TEX2: variants seen among roughly 807,000 people sequenced by gnomAD.
TEX2 encodes the protein testis-expressed protein 2.
In TEX2, 53 loss-of-function variants were observed where a neutral mutation model predicts 106.9. The ratio of observed to expected loss-of-function variants is 0.50; its 90% confidence interval spans 0.40 to 0.62. The LOEUF (loss-of-function observed/expected upper bound fraction) is 0.62, where lower values mean the gene tolerates loss of function less well. Among genes scored for constraint, TEX2 ranks in the 20% least tolerant of loss-of-function variants. The pLI is 0.00. For missense variants in TEX2, 1,207 were observed against 1,379.0 expected (o/e 0.88, Z 1.98); for synonymous variants, 523 against 534.8 (o/e 0.98, Z 0.30).
In TEX2 at chr17:64,213,784, G is replaced by C; in HGVS notation, c.434C>G (p.Ala145Gly). 6.2e-7 allele frequency: 1 copy of C among 1,614,218 alleles called. No homozygotes were observed. Among genetic ancestry groups the C allele is most frequent in the South Asian group, 1.1e-5 (1 of 91,090 alleles). ...SPGSSSSGPL[A>G]SSPSVSSLSE... ...AAGGGATGACACACTGGGAGAGCTAGCTAAGGGCCCCGACGAAGACGACCC... is the reference window on the plus strand; with the variant it reads ...AAGGGATGACACACTGGGAGAGCTACCTAAGGGCCCCGACGAAGACGACCC... The change falls in exon 2 of 12, where the codon GCT (alanine) becomes GGT (glycine). Residue 145 changes from alanine to glycine, a missense_variant. Around this residue, in one of 3 missense-constraint regions of TEX2, gnomAD observed 1,067 missense variants for 1,193.6 expected, o/e 0.89. Transcript: ENST00000584379. This position sits in a 1 kb window ranked among gnomAD's most constrained non-coding sequence, Gnocchi z 4.4.
In TEX2 at chr17:64,260,596, C is replaced by G. The variant is rs1555638413; in HGVS notation, c.-26+2572G>C. Reference sequence around the variant, plus strand: ...CGGTTTCCTCTTCTGTAAAATGAGGCTATCACACCTCCATTAGAGGGCTGC... The same window carrying G: ...CGGTTTCCTCTTCTGTAAAATGAGGGTATCACACCTCCATTAGAGGGCTGC... On this transcript the variant is annotated intron_variant, in intron 1 of 11. Coordinates refer to ENST00000584379, the MANE Select transcript of TEX2 (RefSeq NM_001288732.2). 3.3e-5 allele frequency among the ~76,000 whole-genome samples: 5 copies of G among 152,192 alleles called. No individual in the cohort carries two copies. The South Asian group carries it at 1.0e-3, about 31-fold the overall frequency.
intron 1 of TEX2, among the ~76,000 whole-genome samples, chr17:64,247,911 C>T (rs547936901): frequency 3.2e-4 from 49 of 152,244 alleles, no homozygotes; most frequent in South Asian, 1.2e-3. Context: ...CCCAGATGTA[C>T]AGAATTCATT....
chr17:64,202,278 G>A (rs2032693233), intron 2 of TEX2, among the ~76,000 whole-genome samples: 1 of 152,068 alleles, frequency 6.6e-6, no homozygotes, highest in Non-Finnish European at 1.5e-5. Context: ...AATCTTGAGA[G>A]GATCACAGGA....
intron 1 of TEX2, among the ~76,000 whole-genome samples, chr17:64,243,002 G>GA (rs1182474684): frequency 5.3e-5 from 8 of 151,360 alleles, no homozygotes; most frequent in African/African-American, 1.9e-4. Context: ...GATCTCAGCT[G>GA]ACTGCAACCT....
At chr17:64,154,641 TA>T (rs1456768909) in intron 9 of TEX2, among the ~76,000 whole-genome samples, 200 bp downstream of exon 9, 1 of 152,044 alleles carries the variant, frequency 6.6e-6, no homozygotes, top group Non-Finnish European at 1.5e-5. Context: ...GCCATTTTAG[TA>T]AGGAAAGCTA....
chr17:64,168,902 CTTT>C (rs3070736), intron 7 of TEX2, among the ~76,000 whole-genome samples: 1 of 106,966 alleles, frequency 9.3e-6, no homozygotes, highest in African/African-American at 3.6e-5. Context: ...ATAGATGGTG[CTTT>C]TTTTTTTTTT....
chr17:64,259,001 G>A (rs894506120), intron 1 of TEX2, among the ~76,000 whole-genome samples: 3 of 152,054 alleles, frequency 2.0e-5, no homozygotes, highest in South Asian at 2.1e-4. Context: ...CAGGTGATCC[G>A]CCTCCCAAAG....
intron 6 of TEX2, among the ~76,000 whole-genome samples, chr17:64,171,888 G>T (rs2031417498): frequency 6.6e-6 from 1 of 152,006 alleles, no homozygotes; most frequent in Non-Finnish European, 1.5e-5. Flanking sequence ...GGCTGAGGTG[G>T]GAGGATCACT....
Position 64,213,615 on chromosome 17 carries a change from TGGCTCCACCTC to T in TEX2, c.592_602del (p.Glu198LysfsTer35). 1 of 1,614,106 alleles carries T rather than the reference TGGCTCCACCTC, an allele frequency of 6.2e-7. No homozygotes were observed. Among genetic ancestry groups the T allele is most frequent in the Non-Finnish European group, 8.5e-7 (1 of 1,179,990 alleles). ...GCCTTGCGGGGTGTGGGGATTCTTT[TGGCTCCACCTC>T]GGTCGACAGGGACTTCACAAGGCTC... On this transcript the variant is annotated frameshift_variant, in exon 2 of 12. Transcript: ENST00000584379. LOFTEE classifies it high-confidence loss of function. The surrounding 1 kb of genome is among the most constrained non-coding windows in gnomAD (Gnocchi z 4.4).
intron 1 of TEX2, among the ~76,000 whole-genome samples, chr17:64,235,374 G>T (rs1219732127): frequency 6.6e-6 from 1 of 152,160 alleles, no homozygotes; most frequent in African/African-American, 2.4e-5. Flanking sequence ...GAAGCTTTCT[G>T]CAGGTGCTCT....
rs2032158765 is a variant in TEX2 at position 64,188,339 on chromosome 17, A to C, written c.2253T>G (p.Ser751Arg). The change falls in exon 5 of 12, where the codon AGT becomes AGG. Residue 751 changes from serine (S) to arginine (R), a missense_variant. Physicochemically the swap from Ser to Arg is moderately radical, Grantham distance 110. Transcript: ENST00000584379. ...LTHSRSSSKG[S>R]VEEIMSQPKQ... ...TTGGCTGTGACATGATCTCCTCCAC[A>C]CTGCCTTTGCTGCTGCTGCGGCTGT... The C allele has an allele frequency of 4.3e-6, 7 of 1,614,078 alleles. No homozygotes were observed. Among genetic ancestry groups the C allele is most frequent in the Non-Finnish European group, 5.1e-6 (6 of 1,180,004 alleles).
In TEX2 at chr17:64,196,982, ATTTTTTTTT is replaced by A. The variant is rs59960456; in HGVS notation, c.1645-1896_1645-1888del. 1.9e-4 allele frequency among the ~76,000 whole-genome samples: 12 copies of A among 63,568 alleles called. 1 individual carries two copies. The highest frequency in any genetic ancestry group is 6.4e-4 in the East Asian group (1 of 1,572). The allele number at this position is 63,568 out of a possible 152,430, so 41.7% of individuals were successfully genotyped here. A position where few individuals can be genotyped will look rare whatever the true frequency, so the allele number is the denominator to read the frequency against. ...GAAATCAGGGAATAGTCAAATCAAG[ATTTTTTTTT>A]TTTTTTTTTTTTTTTGGAGAGCCAG... is the stretch of plus-strand genomic sequence containing the variant. On this transcript the variant is annotated intron_variant, in intron 2 of 11. Coordinates refer to ENST00000584379, the MANE Select transcript of TEX2 (RefSeq NM_001288732.2).
intron 4 of TEX2, among the ~76,000 whole-genome samples, chr17:64,192,231 C>G (rs145855218): frequency 6.6e-6 from 1 of 152,242 alleles, no homozygotes; most frequent in Non-Finnish European, 1.5e-5. Context: ...ACCCCAGTAT[C>G]TCAGAATGTG....
chr17:64,212,869 G>A lies in TEX2; in HGVS notation c.1349C>T (p.Ala450Val), dbSNP rs782401395. 25 of 1,614,080 alleles carry A rather than the reference G, an allele frequency of 1.5e-5. No individual in the cohort carries two copies. In the African/African-American group the frequency reaches 2.3e-4, roughly 15 times the overall value. Residue 450 changes from alanine to valine, a missense_variant, in exon 2 of 12, where the codon GCG becomes GTG. By Grantham distance (64) the Ala-to-Val change is moderately conservative. This residue lies in a region of TEX2 where 1,067 missense variants were observed against 1,193.6 expected (regional missense o/e 0.89). Transcript: ENST00000584379. ...ACTGTCAAGGACCACACCATCTTCC[G>A]CGAGCACCTCTGGCTTGAGAGGAAT... is the stretch of plus-strand genomic sequence containing the variant. ...SDIPLKPEVL[A>V]EDGVVLDSED...
At chr17:64,254,885 A>G (rs1254000903) in intron 1 of TEX2, among the ~76,000 whole-genome samples, 1 of 152,128 alleles carries the variant, frequency 6.6e-6, no homozygotes, top group Non-Finnish European at 1.5e-5. Context: ...TTTTAGATAC[A>G]GGGTCTTATT....
rs1397204238 is a variant in TEX2 at position 64,150,753 on chromosome 17, G to A, written c.3261+88C>T. ...GGTCACCATCAGATTTTCAAAAGAG[G>A]ATCCTGACCCAGCTGAAGTTCAGAA... On this transcript the variant is annotated intron_variant, in intron 11 of 11. Transcript: ENST00000584379. 11 of 1,426,780 alleles carry A rather than the reference G, an allele frequency of 7.7e-6. No individual in the cohort carries two copies. In the East Asian group the frequency reaches 2.6e-4, roughly 34 times the overall value. 88.4% of individuals were successfully genotyped at this position (1,426,780 alleles called of 1,614,324 possible).
chr17:64,213,299 T>TA lies in TEX2; in HGVS notation c.918dup (p.Lys307Ter). 1 of 1,614,116 alleles carries TA rather than the reference T, an allele frequency of 6.2e-7. No homozygotes were observed. Among genetic ancestry groups the TA allele is most frequent in the Non-Finnish European group, 8.5e-7 (1 of 1,180,044 alleles). ...CTGCCACTTTCTTCCCCTATAATTT[T>TA]ACTAAGGAGCTGAAAAGGCTCATAG... On this transcript the variant is annotated frameshift_variant, in exon 2 of 12. Transcript: ENST00000584379. LOFTEE classifies it high-confidence loss of function. This position sits in a 1 kb window ranked among gnomAD's most constrained non-coding sequence, Gnocchi z 4.4.
intron 1 of TEX2, among the ~76,000 whole-genome samples, chr17:64,237,697 C>G (rs782278728): frequency 6.6e-6 from 1 of 152,112 alleles, no homozygotes; most frequent in Non-Finnish European, 1.5e-5. Context: ...GGCTACAAGA[C>G]TGCAAGGACA....
At chr17:64,258,763 C>CT (rs35559246) in intron 1 of TEX2, among the ~76,000 whole-genome samples, 17 of 146,710 alleles carry the variant, frequency 1.2e-4, no homozygotes, top group East Asian at 2.0e-4. Context: ...GGAAGAGAGA[C>CT]TTTTTTTTTT....
Sources: gnomAD v4.1 joint callset for allele counts (sites outside exome capture counted in the v4.1 genomes callset) on GRCh38, gnomAD v4.1.1 for gene constraint, gnomAD v4.1.1 regional missense constraint, Gnocchi (gnomAD v3.1) non-coding constraint, MANE v1.5 for transcripts, NCBI Gene and HGNC (gene_info 2026-07-23, HGNC 2026-07-21) for gene names.